TDG: variants seen among roughly 807,000 people sequenced by gnomAD.
The protein encoded by TDG is thymine DNA glycosylase, also known as G/T mismatch-specific thymine DNA glycosylase.
A neutral mutation model predicts 46.1 loss-of-function variants in TDG; 23 were observed. The ratio of observed to expected loss-of-function variants is 0.50; its 90% CI spans 0.36 to 0.71. The LOEUF (loss-of-function observed/expected upper bound fraction) is 0.71. TDG is among the 30% of genes least tolerant of loss of function. TDG has a pLI of 0.00. For synonymous variants in TDG, 115 were observed against 161.3 expected, an observed-to-expected ratio of 0.71 and a Z score of 2.18; for missense variants, 304 against 486.7, an observed-to-expected ratio of 0.62 and a Z score of 3.53.
In TDG at chr12:103,984,775, TGC is replaced by T. The variant is rs1328435746; in HGVS notation, c.820_821del (p.Ala274LysfsTer29). 2 of 1,611,788 alleles carry T rather than the reference TGC, an allele frequency of 1.2e-6. No homozygotes were observed. Among genetic ancestry groups the T allele is most frequent in the Non-Finnish European group, 1.7e-6 (2 of 1,178,442 alleles). ...TCTGCTATGTTATGCCATCATCCAG[TGC>T]AAGATGTGCTCAGTTTCCTCGAGCC... ...TLCYVMPSSS[A>X]RCAQFPRAQD... On this transcript the variant is annotated frameshift_variant, in exon 8 of 10. Coordinates refer to ENST00000392872, the MANE Select transcript of TDG (RefSeq NM_003211.6). LOFTEE classifies it high-confidence loss of function.
chr12:103,979,608 G>A (rs1001366789), intron 2 of TDG, among the ~76,000 whole-genome samples: 2 of 151,988 alleles, frequency 1.3e-5, no homozygotes, highest in Admixed American at 6.6e-5. Flanking sequence ...TTCTTCCCAC[G>A]AACAGCTAGC....
intron 1 of TDG, 35 bp downstream of exon 1, chr12:103,966,095 C>T (rs1244450127): frequency 1.6e-5 from 24 of 1,538,576 alleles, no homozygotes; most frequent in Non-Finnish European, 2.1e-5. Flanking sequence ...CTCCCTTGCG[C>T]CCCTCACTGC....
At chr12:103,980,990 A>G (rs1269760646) in intron 4 of TDG, 28 bp downstream of exon 4, 2 of 1,581,676 alleles carry the variant, frequency 1.3e-6, no homozygotes. Context: ...AAATTAATTT[A>G]CTTTTAAATT....
chr12:103,985,825 G>A, intron 9 of TDG, 97 bp downstream of exon 9: 1 of 1,280,896 alleles, frequency 7.8e-7, no homozygotes. Context: ...TTGAAGAATG[G>A]GAATGATAAT....
intron 4 of TDG, among the ~76,000 whole-genome samples, chr12:103,981,286 A>C (rs1593515752): frequency 8.3e-6 from 1 of 120,120 alleles, no homozygotes; most frequent in Non-Finnish European, 1.6e-5. Context: ...CGCAGACTGG[A>C]GTGCAATGGC....
chr12:103,978,059 T>A (rs887325129), intron 2 of TDG, among the ~76,000 whole-genome samples: 2 of 151,056 alleles, frequency 1.3e-5, no homozygotes, highest in Non-Finnish European at 2.9e-5. Context: ...AGACTCTGTC[T>A]CAAAAACAAA....
chr12:103,985,062 TG>T, intron 8 of TDG, 142 bp downstream of exon 8: 1 of 5,794 alleles, frequency 1.7e-4, no homozygotes, highest in Non-Finnish European at 2.4e-4. Context: ...TATATATACA[TG>T]TGTATATATA....
At chr12:103,984,978 T>A in intron 8 of TDG, 58 bp downstream of exon 8, 2 of 1,362,310 alleles carry the variant, frequency 1.5e-6, no homozygotes, top group Non-Finnish European at 2.0e-6. Context: ...TACACATATA[T>A]ACTTACATAT....
rs143618222 is a variant in TDG at position 103,979,755 on chromosome 12, G to A, written c.167-76G>A. 8.6e-6 allele frequency: 13 copies of A among 1,510,088 alleles called. No homozygotes were observed. In the East Asian group the frequency reaches 3.0e-4, roughly 34 times the overall value. The allele number at this position is 1,510,088 out of a possible 1,614,324, so 93.5% of individuals were successfully genotyped here. A position where few individuals can be genotyped will look rare whatever the true frequency, so the allele number is the denominator to read the frequency against. On this transcript the variant is annotated intron_variant, in intron 2 of 9. Coordinates refer to ENST00000392872, the MANE Select transcript of TDG (RefSeq NM_003211.6). The stretch of plus-strand genomic sequence containing the variant: ...AGACAGGTACAAAAGGTGCTAGTTG[G>A]GTAACTTTTCTGGGAAAGCTGCTAA...
intron 1 of TDG, among the ~76,000 whole-genome samples, chr12:103,967,280 A>G (rs1270883136): frequency 6.6e-6 from 1 of 152,124 alleles, no homozygotes; most frequent in Non-Finnish European, 1.5e-5. Flanking sequence ...CCAAAAGGCT[A>G]TAGACCAGAT....
chr12:103,980,940 CCCTGGA>C lies in TDG; in HGVS notation c.463_468del (p.Pro155_Gly156del), dbSNP rs1322267414. Reference sequence around the variant, plus strand: ...TGGCTGCTTACAAAGGGCATCATTACCCTGGACCTGGAAACCATTTTTGTAAGTGGT... The same window carrying C: ...TGGCTGCTTACAAAGGGCATCATTACCCTGGAAACCATTTTTGTAAGTGGT... On this transcript the variant is annotated inframe_deletion, in exon 4 of 10. Coordinates refer to ENST00000392872, the MANE Select transcript of TDG (RefSeq NM_003211.6). 6 of 1,613,234 alleles carry C rather than the reference CCCTGGA, an allele frequency of 3.7e-6. No individual in the cohort carries two copies. The highest frequency in any genetic ancestry group is 5.1e-6 in the Non-Finnish European group (6 of 1,179,890).
At chr12:103,977,880 ATGGCAAAACCC>A (rs1871616786) in intron 2 of TDG, among the ~76,000 whole-genome samples, 1 of 152,192 alleles carries the variant, frequency 6.6e-6, no homozygotes, top group Admixed American at 6.5e-5. Context: ...CCTGGCGAAC[ATGGCAAAACCC>A]TGCCTCACAC....
chr12:103,968,864 G>A (rs1871173420), intron 1 of TDG, among the ~76,000 whole-genome samples: 1 of 152,206 alleles, frequency 6.6e-6, no homozygotes, highest in African/African-American at 2.4e-5. Context: ...CACAGTGGCT[G>A]ACGCCTGTAA....
intron 1 of TDG, among the ~76,000 whole-genome samples, chr12:103,974,254 G>A (rs1426114740): frequency 7.5e-6 from 1 of 133,228 alleles, no homozygotes. Flanking sequence ...CATTTAAAGT[G>A]TACTCATTTG....
intron 1 of TDG, among the ~76,000 whole-genome samples, chr12:103,974,143 C>T (rs991986765): frequency 8.5e-5 from 13 of 152,070 alleles, no homozygotes; most frequent in African/African-American, 3.1e-4. Flanking sequence ...CCTTTGTTTC[C>T]CCAGGCCATT....
intron 1 of TDG, chr12:103,967,910 C>G (rs1593505878): frequency 3.3e-5 from 5 of 151,830 alleles, no homozygotes; most frequent in Admixed American, 2.6e-4. Flanking sequence ...TTCACTGCAA[C>G]CTCTGCTTCC....
intron 3 of TDG, 172 bp downstream of exon 3, chr12:103,980,244 T>C: frequency 1.2e-6 from 1 of 838,604 alleles, no homozygotes; most frequent in East Asian, 2.8e-5. Context: ...TTTAAGAGGG[T>C]GGGCTCCAAA....
At chr12:103,975,709 T>G (rs1871505364) in intron 1 of TDG, among the ~76,000 whole-genome samples, 1 of 152,134 alleles carries the variant, frequency 6.6e-6, no homozygotes, top group Non-Finnish European at 1.5e-5. Flanking sequence ...TCACCCAGGC[T>G]GGAGTGCAGT....
intron 2 of TDG, among the ~76,000 whole-genome samples, chr12:103,978,220 C>G (rs1871632706): frequency 6.6e-6 from 1 of 151,502 alleles, no homozygotes; most frequent in South Asian, 2.1e-4. Context: ...ATTACCTAGC[C>G]ATGGCTAATG....
Sources: gnomAD v4.1 joint callset for allele counts (sites outside exome capture counted in the v4.1 genomes callset) on GRCh38, gnomAD v4.1.1 for gene constraint, MANE v1.5 for transcripts, NCBI Gene and HGNC (gene_info 2026-07-23, HGNC 2026-07-21) for gene names.